The following DNA2 variants were observed in gnomAD, a reference collection of about 807,000 sequenced individuals.
The protein encoded by DNA2 is DNA replication helicase/nuclease 2, also known as DNA replication ATP-dependent helicase/nuclease DNA2.
A neutral mutation model predicts 119.1 loss-of-function variants in DNA2; 101 were observed. The observed-to-expected ratio is 0.85, with a 90% confidence interval of 0.72 to 1.00. The LOEUF (loss-of-function observed/expected upper bound fraction) is 1.00. Ranked by LOEUF, DNA2 falls within the 50% of genes least tolerant of loss-of-function variation. The pLI is 0.00. For synonymous variants in DNA2, 366 were observed against 424.4 expected, an observed-to-expected ratio of 0.86 and a Z score of 1.69; for missense variants, 1,121 against 1,255.5, an observed-to-expected ratio of 0.89 and a Z score of 1.62.
At chr10:68,434,968 A>T (rs1191263217) in intron 10 of DNA2, among the ~76,000 whole-genome samples, 2 of 152,254 alleles carry the variant, frequency 1.3e-5, no homozygotes, top group South Asian at 2.1e-4. Context: ...ACTGTAAGAA[A>T]TGCTGGAAAA....
chr10:68,464,444 G>A (rs1426295983), intron 4 of DNA2, among the ~76,000 whole-genome samples: 5 of 151,790 alleles, frequency 3.3e-5, no homozygotes, highest in African/African-American at 1.2e-4. Flanking sequence ...GAACCCGGGA[G>A]GTAGAGGCTG....
At chr10:68,470,856 T>C (rs16925411) in intron 1 of DNA2, among the ~76,000 whole-genome samples, 3,754 of 152,260 alleles carry the variant, frequency 0.025, 142 homozygotes, top group African/African-American at 0.086. Context: ...ATGCCGGAAA[T>C]CTTTCGATAA....
chr10:68,451,477 G>A (rs1037567457), intron 5 of DNA2, among the ~76,000 whole-genome samples: 15 of 152,094 alleles, frequency 9.9e-5, no homozygotes, highest in African/African-American at 3.1e-4. Flanking sequence ...GAGCAGTTAC[G>A]GTTATTCTGC....
chr10:68,429,064 G>C (rs1018601398), intron 14 of DNA2, among the ~76,000 whole-genome samples: 1 of 152,078 alleles, frequency 6.6e-6, no homozygotes, highest in Non-Finnish European at 1.5e-5. Context: ...ATCTTAGCCA[G>C]TTCTAAATTT....
intron 5 of DNA2, among the ~76,000 whole-genome samples, chr10:68,451,950 A>G (rs555480605): frequency 9.0e-4 from 136 of 150,890 alleles, no homozygotes; most frequent in African/African-American, 3.2e-3. Context: ...TGCTGTCTTA[A>G]ATAATTTTTT....
chr10:68,422,772 A>G lies in DNA2; in HGVS notation c.2327T>C (p.Leu776Pro), dbSNP rs866149439. ...TAACACAAATCTCCGTGAAAAAAAAAGGGGGCCCAGACAAATTGGTTGGCT... is the reference window on the plus strand; with the variant it reads ...TAACACAAATCTCCGTGAAAAAAAAGGGGGGCCCAGACAAATTGGTTGGCT... Reference protein sequence around the residue: ...QISQPICLGPLFFSRRFVLVG... With the variant: ...QISQPICLGPPFFSRRFVLVG... The change falls in exon 15 of 21, where the codon CTT becomes CCT. Residue 776 changes from leucine (L) to proline (P), a missense_variant. Coordinates refer to ENST00000358410, the MANE Select transcript of DNA2 (RefSeq NM_001080449.3). The G allele has an allele frequency of 1.2e-6, 2 of 1,609,756 alleles. No homozygotes were observed. Among genetic ancestry groups the G allele is most frequent in the Admixed American group, 1.7e-5 (1 of 58,840 alleles).
intron 10 of DNA2, among the ~76,000 whole-genome samples, chr10:68,432,730 T>C (rs928016427): frequency 2.0e-5 from 3 of 152,178 alleles, no homozygotes; most frequent in African/African-American, 7.2e-5. Flanking sequence ...TCAAAGCAAT[T>C]AATAATTGGG....
At chr10:68,458,902 T>C (rs923373565) in intron 5 of DNA2, among the ~76,000 whole-genome samples, 1 of 152,070 alleles carries the variant, frequency 6.6e-6, no homozygotes, top group African/African-American at 2.4e-5. Flanking sequence ...AAATAAGCTA[T>C]CATAATAATG....
chr10:68,424,963 A>T (rs886523803), intron 14 of DNA2: 12 of 640,628 alleles, frequency 1.9e-5, no homozygotes. Context: ...AAAGGCAAAT[A>T]TAAGGAGGAA....
chr10:68,446,250 T>TTG, intron 7 of DNA2, 46 bp downstream of exon 7: 5 of 961,024 alleles, frequency 5.2e-6, no homozygotes, highest in Non-Finnish European at 7.8e-6. Context: ...GAAGCTGAAG[T>TTG]GGGGGGGTGG....
Position 68,427,511 on chromosome 10 carries a change from G to A in DNA2, c.2208+2925C>T, listed in dbSNP as rs1447388986. On this transcript the variant is annotated intron_variant, in intron 14 of 20. Transcript: ENST00000358410. ...AAATTGAAAATATTAGGCAGGCATG[G>A]TGGTACATGCCTGTATAGTTCTAGT... 2.6e-5 allele frequency among the ~76,000 whole-genome samples: 4 copies of A among 151,266 alleles called. No individual in the cohort carries two copies. In the East Asian group the frequency reaches 7.8e-4, roughly 30 times the overall value.
At chr10:68,460,641 C>G (rs962344749) in intron 4 of DNA2, among the ~76,000 whole-genome samples, 6 of 152,088 alleles carry the variant, frequency 3.9e-5, no homozygotes, top group African/African-American at 1.2e-4. Context: ...CCCCTGACCT[C>G]ACGTGATCTG....
At chr10:68,459,081 T>C (rs780555339) in intron 5 of DNA2, 23 bp downstream of exon 5, 11 of 1,565,796 alleles carry the variant, frequency 7.0e-6, no homozygotes, top group South Asian at 1.2e-5. Context: ...AGACTATATA[T>C]ATAAACAAAA....
chr10:68,444,772 T>C, intron 8 of DNA2, 149 bp downstream of exon 8: 1 of 571,324 alleles, frequency 1.8e-6, no homozygotes, highest in Non-Finnish European at 2.9e-6. Context: ...TTTTTTCTAT[T>C]ATCTTAATTT....
At chr10:68,464,934 C>T (rs1053893089) in intron 4 of DNA2, among the ~76,000 whole-genome samples, 1 of 148,816 alleles carries the variant, frequency 6.7e-6, no homozygotes, top group Non-Finnish European at 1.5e-5. Context: ...GGGAGAAACA[C>T]ATGAGCCCAG....
At chr10:68,424,503 CAAAA>C (rs60968180) in intron 14 of DNA2, 145 of 474,950 alleles carry the variant, frequency 3.1e-4, no homozygotes, top group Non-Finnish European at 3.6e-4. Context: ...GTCACTGTCT[CAAAA>C]AAAAAAAAAA....
At chr10:68,467,257 C>T (rs1347188792) in intron 3 of DNA2, among the ~76,000 whole-genome samples, 5 of 151,888 alleles carry the variant, frequency 3.3e-5, no homozygotes, top group South Asian at 2.1e-4. Context: ...ATTACAGGCG[C>T]GCACCACAAC....
At chr10:68,437,635 A>G (rs570578776) in intron 9 of DNA2, among the ~76,000 whole-genome samples, 1 of 147,890 alleles carries the variant, frequency 6.8e-6, no homozygotes, top group Non-Finnish European at 1.5e-5. Flanking sequence ...GGACAACAAG[A>G]GCAAAACCAC....
chr10:68,443,313 T>C (rs1465515344), intron 8 of DNA2, among the ~76,000 whole-genome samples: 1 of 152,218 alleles, frequency 6.6e-6, no homozygotes. Flanking sequence ...CAATACTGCA[T>C]TATTTTGCCT....
Sources: gnomAD v4.1 joint callset for allele counts (sites outside exome capture counted in the v4.1 genomes callset) on GRCh38, gnomAD v4.1.1 for gene constraint, MANE v1.5 for transcripts, NCBI Gene and HGNC (gene_info 2026-07-23, HGNC 2026-07-21) for gene names.